HOTAIR: variants seen among roughly 807,000 people sequenced by gnomAD.
HOTAIR encodes the protein HOX transcript antisense RNA (non-protein coding).
Position 53,973,183 on chromosome 12 carries a change from TC to T in HOTAIR, n.59+1714del. ...CGCGTCATCTCGCCTTCCCAAATTT[TC>T]CCCCCTCGCTAGACCGGGTCCAAAA... On this transcript the variant is annotated intron_variant and non_coding_transcript_variant, in intron 1 of 6. Transcript: ENST00000424518. This position sits in a 1 kb window ranked among gnomAD's most constrained non-coding sequence, Gnocchi z 4.3. The T allele has an allele frequency of 7.9e-6, 11 of 1,390,310 alleles. No individual in the cohort carries two copies. The highest frequency in any genetic ancestry group is 1.4e-5 in the African/African-American group (1 of 69,186). 86.1% of individuals were successfully genotyped at this position (1,390,310 alleles called of 1,614,324 possible).
intron 1 of HOTAIR, among the ~76,000 whole-genome samples, chr12:53,970,999 T>C (rs1939138419): frequency 6.6e-6 from 1 of 152,198 alleles, no homozygotes; most frequent in Admixed American, 6.5e-5. Context: ...CGCTTCCCTC[T>C]TGCTGGTTCC....
chr12:53,967,477 C>G (rs539581949), intron 2 of HOTAIR: 1 of 152,372 alleles, frequency 6.6e-6, no homozygotes, highest in Admixed American at 6.5e-5. Context: ...CAAAGCAGCT[C>G]TGACCCCAAG....
In HOTAIR at chr12:53,973,802, G is replaced by A. The variant is rs1939196091; in HGVS notation, n.59+1096C>T. On this transcript the variant is annotated intron_variant and non_coding_transcript_variant, in intron 1 of 6. Transcript: ENST00000424518. The surrounding 1 kb of genome is among the most constrained non-coding windows in gnomAD (Gnocchi z 4.3). ...GGGAGCCCGAGGCACCCCCGGCCTC[G>A]GGACTGGCGTCCCGGGCTGAGGCGG... 2.5e-6 allele frequency: 4 copies of A among 1,577,064 alleles called. No homozygotes were observed. The highest frequency in any genetic ancestry group is 1.1e-5 in the South Asian group (1 of 87,438).
At chr12:53,974,941 C>G in exon 1 of HOTAIR, 1 of 525,204 alleles carries the variant, frequency 1.9e-6, no homozygotes, top group South Asian at 2.5e-5. Context: ...AGCCGCGGCT[C>G]TCGCCTGAGA....
chr12:53,971,511 C>G (rs1939147859), intron 1 of HOTAIR, among the ~76,000 whole-genome samples: 1 of 152,200 alleles, frequency 6.6e-6, no homozygotes, highest in African/African-American at 2.4e-5. Flanking sequence ...GCCGCAGCAC[C>G]TTATCATGTT....
chr12:53,973,572 A>T lies in HOTAIR; in HGVS notation n.59+1326T>A, dbSNP rs1406385316. On this transcript the variant is annotated intron_variant and non_coding_transcript_variant, in intron 1 of 6. Transcript: ENST00000424518. This position sits in a 1 kb window ranked among gnomAD's most constrained non-coding sequence, Gnocchi z 4.3. ...GGAGTGCCTGCCTCCTTCCACCGTC[A>T]CCGAGATCCTCATGAAAAACGAAGG... is the stretch of plus-strand genomic sequence containing the variant. 1.2e-5 allele frequency: 20 copies of T among 1,612,780 alleles called. No homozygotes were observed. The highest frequency in any genetic ancestry group is 1.6e-5 in the Non-Finnish European group (19 of 1,179,942).
chr12:53,968,870 T>C (rs1360576308), intron 1 of HOTAIR: 2 of 152,302 alleles, frequency 1.3e-5, no homozygotes, highest in African/African-American at 4.8e-5. Context: ...TTTCACCCCA[T>C]GCCTTCCCAC....
At position 53,973,279 on chromosome 12, in the gene HOTAIR, C is replaced by G. The variant is rs1378508997; in HGVS notation, n.59+1619G>C. ...GTCAACCTGGGCAACTTCTGCTCTCCGTCGCGCAAGGAGAGGGGCGCAGAT... is the reference window on the plus strand; with the variant it reads ...GTCAACCTGGGCAACTTCTGCTCTCGGTCGCGCAAGGAGAGGGGCGCAGAT... On this transcript the variant is annotated intron_variant and non_coding_transcript_variant, in intron 1 of 6. Transcript: ENST00000424518. This position sits in a 1 kb window ranked among gnomAD's most constrained non-coding sequence, Gnocchi z 4.3. 2.5e-6 allele frequency: 4 copies of G among 1,613,030 alleles called. No individual in the cohort carries two copies. In the African/African-American group the frequency reaches 5.3e-5, roughly 22 times the overall value.
intron 2 of HOTAIR, chr12:53,968,123 C>T (rs1939088159): frequency 6.6e-6 from 1 of 152,262 alleles, no homozygotes; most frequent in Admixed American, 6.5e-5. Flanking sequence ...ACAAAGCATA[C>T]CATGACAAAT....
At chr12:53,971,378 C>G (rs1195515709) in intron 1 of HOTAIR, among the ~76,000 whole-genome samples, 1 of 152,170 alleles carries the variant, frequency 6.6e-6, no homozygotes, top group African/African-American at 2.4e-5. Context: ...GCAGACTCCA[C>G]TCAGGTGTCA....
At chr12:53,965,293 C>T (rs1939031189) in intron 5 of HOTAIR, among the ~76,000 whole-genome samples, 2 of 152,210 alleles carry the variant, frequency 1.3e-5, no homozygotes, top group African/African-American at 2.4e-5. Flanking sequence ...TTCCCCATGC[C>T]CCCCCAGCCT....
intron 1 of HOTAIR, among the ~76,000 whole-genome samples, chr12:53,970,655 C>T (rs1434437776): frequency 6.6e-6 from 1 of 152,232 alleles, no homozygotes; most frequent in Non-Finnish European, 1.5e-5. Context: ...TAGACATCAA[C>T]TCTTTGACAT....
At chr12:53,969,043 A>G (rs1222921039) in intron 1 of HOTAIR, 1 of 152,212 alleles carries the variant, frequency 6.6e-6, no homozygotes, top group African/African-American at 2.4e-5. Flanking sequence ...TTAATGTAGG[A>G]GCTAAAGCCA....
rs200941742 is a variant in HOTAIR at position 53,973,728 on chromosome 12, G to C, written n.59+1170C>G. ...CTTCGACAACGCCTACTGCGGTGGC[G>C]GCGACCCGCCCGCCGAGCCCCCCTG... On this transcript the variant is annotated intron_variant and non_coding_transcript_variant, in intron 1 of 6. Transcript: ENST00000424518. The surrounding 1 kb of genome is among the most constrained non-coding windows in gnomAD (Gnocchi z 4.3). 42 of 1,612,274 alleles carry C rather than the reference G, an allele frequency of 2.6e-5. No homozygotes were observed. Among genetic ancestry groups the C allele is most frequent in the African/African-American group, 4.0e-5 (3 of 74,936 alleles).
At chr12:53,966,298 T>C (rs1676323935) in exon 4 of HOTAIR, 1 of 152,044 alleles carries the variant, frequency 6.6e-6, no homozygotes, top group Admixed American at 6.5e-5. Flanking sequence ...TCTGTAACTC[T>C]GGGCTCCCTC....
chr12:53,968,873 C>A (rs1939103923), intron 1 of HOTAIR: 1 of 152,260 alleles, frequency 6.6e-6, no homozygotes, highest in Non-Finnish European at 1.5e-5. Flanking sequence ...CACCCCATGC[C>A]TTCCCACCCC....
exon 7 of HOTAIR, chr12:53,962,869 G>A (rs1261709666): frequency 6.6e-6 from 1 of 152,136 alleles, no homozygotes; most frequent in African/African-American, 2.4e-5. Context: ...TTTGCAGCAG[G>A]GTCCCACTGC....
chr12:53,969,935 G>A (rs779411396), intron 1 of HOTAIR, among the ~76,000 whole-genome samples: 17 of 152,250 alleles, frequency 1.1e-4, no homozygotes, highest in Admixed American at 6.5e-4. Flanking sequence ...AGGCCCCAAC[G>A]CTGTGTGCGG....
chr12:53,962,328 CTTTA>C (rs879481932), exon 7 of HOTAIR: 12 of 151,976 alleles, frequency 7.9e-5, no homozygotes, highest in Admixed American at 5.9e-4. Flanking sequence ...ACATGTAAAA[CTTTA>C]TTTATGCATA....
Sources: allele counts gnomAD v4.1 joint callset (sites outside exome capture counted in the v4.1 genomes callset), GRCh38; gene constraint gnomAD v4.1.1; non-coding constraint Gnocchi (gnomAD v3.1); transcripts MANE v1.5; gene names NCBI Gene and HGNC (gene_info 2026-07-23, HGNC 2026-07-21).